The following SORL1 variants were observed in gnomAD, a reference collection of about 807,000 sequenced individuals.
SORL1 encodes the protein sortilin related receptor 1.
In SORL1, 127 loss-of-function variants were observed where a neutral mutation model predicts 273.7. The observed-to-expected ratio is 0.46, with a 90% CI of 0.40 to 0.54. SORL1 has a LOEUF of 0.54. SORL1 is among the 20% of genes least tolerant of loss of function. The pLI, the probability that SORL1 is intolerant of heterozygous loss-of-function variation, is 0.00. For missense variants in SORL1, 2,494 were observed against 2,846.1 expected, an observed-to-expected ratio of 0.88 and a Z score of 2.81; for synonymous variants, 1,031 against 1,067.4, an observed-to-expected ratio of 0.97 and a Z score of 0.66.
At position 121,632,465 on chromosome 11, in the gene SORL1, G is replaced by C. The variant is rs1863889057; in HGVS notation, c.*2902G>C. ...TAAATAGTTATCATTCTGGGTAACT[G>C]GTTGAAACTCTGACTTTTGGACAAG... is the stretch of plus-strand genomic sequence containing the variant. On this transcript the variant is annotated 3_prime_UTR_variant, in exon 48 of 48. Transcript: ENST00000260197. 6.6e-6 allele frequency: 1 copy of C among 151,974 alleles called. No individual in the cohort carries two copies. Among genetic ancestry groups the C allele is most frequent in the Non-Finnish European group, 1.5e-5 (1 of 68,020 alleles). The allele number at this position is 151,974 out of a possible 1,614,324, so 9.4% of individuals were successfully genotyped here. A position where few individuals can be genotyped will look rare whatever the true frequency, so the allele number is the denominator to read the frequency against.
At chr11:121,491,347 T>C (rs1861550037) in intron 5 of SORL1, among the ~76,000 whole-genome samples, 1 of 152,206 alleles carries the variant, frequency 6.6e-6, no homozygotes. Context: ...TATCGTAATT[T>C]ACTATTACAG....
intron 47 of SORL1, chr11:121,628,900 A>G (rs1863836341): frequency 1.3e-5 from 2 of 152,414 alleles, no homozygotes; most frequent in Non-Finnish European, 2.9e-5. Context: ...CGGCACCTGG[A>G]CTGCCTTGTG....
intron 1 of SORL1, among the ~76,000 whole-genome samples, chr11:121,457,837 C>G (rs1400281168): frequency 6.6e-6 from 1 of 152,190 alleles, no homozygotes; most frequent in Non-Finnish European, 1.5e-5. Flanking sequence ...AATGTTTTCT[C>G]TATGTTCTGT....
intron 11 of SORL1, among the ~76,000 whole-genome samples, chr11:121,528,368 A>T (rs1181055318): frequency 6.6e-6 from 1 of 152,200 alleles, no homozygotes; most frequent in Non-Finnish European, 1.5e-5. Flanking sequence ...CTGAGGTGGG[A>T]GGCTCACTTG....
chr11:121,610,337 GT>G (rs1863544174), intron 38 of SORL1: 1 of 152,216 alleles, frequency 6.6e-6, no homozygotes, highest in African/African-American at 2.4e-5. Context: ...ACTGAGAGGG[GT>G]CTTTTCCTTG....
chr11:121,497,823 T>C (rs1861654005), intron 6 of SORL1, among the ~76,000 whole-genome samples: 1 of 152,240 alleles, frequency 6.6e-6, no homozygotes, highest in Admixed American at 6.5e-5. Flanking sequence ...ACTCAGGGTC[T>C]GTTGAAGGCC....
intron 41 of SORL1, among the ~76,000 whole-genome samples, chr11:121,615,438 T>G (rs909391819): frequency 6.6e-5 from 10 of 152,162 alleles, no homozygotes; most frequent in African/African-American, 2.4e-4. Context: ...TTGATCTCTC[T>G]CCCTATGAAC....
chr11:121,597,982 A>G (rs1168732716), intron 32 of SORL1, among the ~76,000 whole-genome samples: 1 of 152,156 alleles, frequency 6.6e-6, no homozygotes, highest in Non-Finnish European at 1.5e-5. Context: ...AAGGGACAGC[A>G]TGTATATTCC....
chr11:121,591,836 A>G (rs981638953), intron 31 of SORL1, among the ~76,000 whole-genome samples: 2 of 152,090 alleles, frequency 1.3e-5, no homozygotes, highest in African/African-American at 4.8e-5. Flanking sequence ...TGTTCTTTCC[A>G]TTGCTTCCTT....
At chr11:121,523,666 G>A (rs963162491) in intron 11 of SORL1, among the ~76,000 whole-genome samples, 3 of 151,942 alleles carry the variant, frequency 2.0e-5, no homozygotes, top group Admixed American at 6.6e-5. Flanking sequence ...CCAAGGAAGT[G>A]CGTTTGGTCT....
Position 121,619,008 on chromosome 11 carries a change from C to T in SORL1, c.5724+115C>T, listed in dbSNP as rs78522884. On this transcript the variant is annotated intron_variant, in intron 42 of 47. Transcript: ENST00000260197. ...TGGACTCCAGGATTGATGTGTGTGA[C>T]GAGAGGCAACTTCCTCTTCTTCATA... 105 of 1,042,424 alleles carry T rather than the reference C, an allele frequency of 1.0e-4. No individual in the cohort carries two copies. The African/African-American group carries it at 1.5e-3, about 15-fold the overall frequency. 64.6% of individuals were successfully genotyped at this position (1,042,424 alleles called of 1,614,324 possible).
intron 3 of SORL1, among the ~76,000 whole-genome samples, chr11:121,485,711 G>T (rs1166748503): frequency 6.6e-6 from 1 of 152,190 alleles, no homozygotes; most frequent in Non-Finnish European, 1.5e-5. Context: ...CAATAACCTA[G>T]GTGGTTTGGG....
intron 1 of SORL1, among the ~76,000 whole-genome samples, chr11:121,456,470 T>C (rs185514737): frequency 4.7e-4 from 71 of 152,274 alleles, no homozygotes; most frequent in African/African-American, 1.7e-3. Context: ...AATGTATTTG[T>C]AAGGAGGAAT....
chr11:121,601,207 C>G (rs1396601162), intron 32 of SORL1, among the ~76,000 whole-genome samples: 1 of 144,268 alleles, frequency 6.9e-6, no homozygotes, highest in Non-Finnish European at 1.5e-5. Context: ...TCATCCATGT[C>G]CCTACAAAGG....
At position 121,627,740 on chromosome 11, in the gene SORL1, G is replaced by A. The variant is rs369618646; in HGVS notation, c.6550G>A (p.Ala2184Thr). The A allele has an allele frequency of 2.2e-5, 35 of 1,613,666 alleles. No homozygotes were observed. In the African/African-American group the frequency reaches 3.6e-4, roughly 17 times the overall value. Residue 2184 changes from alanine (A) to threonine (T), a missense_variant, in exon 47 of 48, where the codon GCA becomes ACA. By Grantham distance (58) the Ala-to-Thr change is moderately conservative. Coordinates refer to ENST00000260197, the MANE Select transcript of SORL1 (RefSeq NM_003105.6). The surrounding 1 kb of genome is among the most constrained non-coding windows in gnomAD (Gnocchi z 4.9). ...CCACTACAGCTCCAGGCTGGGGTCC[G>A]CAATCTTCTCCTCTGGGGATGACCT... ...NSHYSSRLGS[A>T]IFSSGDDLGE...
chr11:121,588,767 C>T (rs1287216176), intron 28 of SORL1, among the ~76,000 whole-genome samples: 1 of 152,182 alleles, frequency 6.6e-6, no homozygotes, highest in African/African-American at 2.4e-5. Context: ...ATCAAGGTGT[C>T]GGCAGGGTTG....
intron 6 of SORL1, among the ~76,000 whole-genome samples, chr11:121,503,061 G>A (rs1476098638): frequency 6.6e-6 from 1 of 151,918 alleles, no homozygotes; most frequent in Non-Finnish European, 1.5e-5. Flanking sequence ...GTAGAGACGG[G>A]GTTTCATCAT....
At chr11:121,502,161 A>G (rs1404221144) in intron 6 of SORL1, among the ~76,000 whole-genome samples, 6 of 90,100 alleles carry the variant, frequency 6.7e-5, no homozygotes, top group African/African-American at 9.0e-5. Flanking sequence ...TTTGAGATGG[A>G]GTCTCACTCT....
intron 16 of SORL1, among the ~76,000 whole-genome samples, chr11:121,553,365 T>C (rs1341043516): frequency 6.6e-6 from 1 of 152,242 alleles, no homozygotes; most frequent in Non-Finnish European, 1.5e-5. Flanking sequence ...TTGTGGTGAT[T>C]ATGTTGTGGA....
Sources: allele counts gnomAD v4.1 joint callset (sites outside exome capture counted in the v4.1 genomes callset), GRCh38; gene constraint gnomAD v4.1.1; non-coding constraint Gnocchi (gnomAD v3.1); transcripts MANE v1.5; gene names NCBI Gene and HGNC (gene_info 2026-07-23, HGNC 2026-07-21).